Variants in SCAP observed in about 807,000 individuals in gnomAD.
SCAP encodes sterol regulatory element-binding protein cleavage-activating protein.
A neutral mutation model predicts 123.6 loss-of-function variants in SCAP; 65 were observed. That is an observed-to-expected ratio of 0.53 (90% CI 0.43 to 0.65). The LOEUF is 0.65. Among genes scored for constraint, SCAP ranks in the 30% least tolerant of loss-of-function variants. The probability of loss-of-function intolerance (pLI) is 0.00; values close to 1 mark genes in which losing one functional copy is unlikely to be tolerated. For synonymous variants in SCAP, 740 were observed against 726.3 expected (o/e 1.02, Z -0.30); for missense variants, 1,398 against 1,712.5 (o/e 0.82, Z 3.24).
In SCAP at chr3:47,414,174, C is replaced by T. The variant is rs772461126; in HGVS notation, c.3594+6G>A. 1.9e-6 allele frequency: 3 copies of T among 1,613,606 alleles called. No homozygotes were observed. Among genetic ancestry groups the T allele is most frequent in the Admixed American group, 3.3e-5 (2 of 60,008 alleles). ...CCAAGAATCCTATGATCCCCATCCC[C>T]TCTACCTGCTGAATGGAGTAGAACT... On this transcript the variant is annotated splice_donor_region_variant and intron_variant, in intron 22 of 22. Coordinates refer to ENST00000265565, the MANE Select transcript of SCAP (RefSeq NM_012235.4).
At position 47,419,328 on chromosome 3, in the gene SCAP, C is replaced by T; in HGVS notation, c.1940G>A (p.Arg647Lys). ...FSYYNITLAK[R>K]YISLLPVIPV... ...TGGCACCTGGCACGGCCCAGCTCAC[C>T]TCTTGGCCAGTGTGATGTTGTAATA... The change falls in exon 13 of 23, where the codon AGG becomes AAG. Residue 647 changes from arginine (R) to lysine (K), a missense_variant and splice_region_variant. By Grantham distance (26) the Arg-to-Lys change is conservative. Transcript: ENST00000265565. This position sits in a 1 kb window ranked among gnomAD's most constrained non-coding sequence, Gnocchi z 5.0. 1 of 1,607,716 alleles carries T rather than the reference C, an allele frequency of 6.2e-7. No homozygotes were observed. Among genetic ancestry groups the T allele is most frequent in the Non-Finnish European group, 8.5e-7 (1 of 1,176,376 alleles).
chr3:47,416,600 G>A lies in SCAP; in HGVS notation c.3056+522C>T, dbSNP rs545843185. ...ATGTGCCATGCCCTATTCCAAGCACGTCACACCCCTAACGCTTTTTTTTTT... is the reference window on the plus strand; with the variant it reads ...ATGTGCCATGCCCTATTCCAAGCACATCACACCCCTAACGCTTTTTTTTTT... On this transcript the variant is annotated intron_variant, in intron 18 of 22. Coordinates refer to ENST00000265565, the MANE Select transcript of SCAP (RefSeq NM_012235.4). 8.4e-5 allele frequency among the ~76,000 whole-genome samples: 12 copies of A among 143,500 alleles called. No homozygotes were observed. In the South Asian group the frequency reaches 8.9e-4, roughly 11 times the overall value. 94.1% of individuals were successfully genotyped at this position (143,500 alleles called of 152,430 possible).
intron 1 of SCAP, among the ~76,000 whole-genome samples, chr3:47,469,213 T>A (rs1707946284): frequency 6.6e-6 from 1 of 152,108 alleles, no homozygotes; most frequent in South Asian, 2.1e-4. Context: ...CCGGGTGTGG[T>A]GGCACATGCC....
Position 47,413,737 on chromosome 3 carries a change from A to AT in SCAP, c.*116dup. On this transcript the variant is annotated 3_prime_UTR_variant, in exon 23 of 23. Transcript: ENST00000265565. Reference sequence around the variant, plus strand: ...TGGTTTTTTAAAAAAGTTTAATATTATTACAGTCAGGAGGCAGCGGCTGGA... The same window carrying AT: ...TGGTTTTTTAAAAAAGTTTAATATTATTTACAGTCAGGAGGCAGCGGCTGGA... 4 of 1,357,972 alleles carry AT rather than the reference A, an allele frequency of 2.9e-6. No homozygotes were observed. The highest frequency in any genetic ancestry group is 4.0e-6 in the Non-Finnish European group (4 of 996,440). 84.1% of individuals were successfully genotyped at this position (1,357,972 alleles called of 1,614,324 possible).
chr3:47,416,793 A>ATTTTTTTTTTTTTTTTTT (rs566619829), intron 18 of SCAP, among the ~76,000 whole-genome samples: 1 of 149,758 alleles, frequency 6.7e-6, no homozygotes, highest in African/African-American at 2.5e-5. Context: ...CGCCCGGCTA[A>ATTTTTTTTTTTTTTTTTT]TTTTTTGTAT....
chr3:47,457,466 G>GAGCACCC (rs1412959893), intron 1 of SCAP, among the ~76,000 whole-genome samples: 1 of 152,088 alleles, frequency 6.6e-6, no homozygotes, highest in Non-Finnish European at 1.5e-5. Context: ...GTGTTCCCTA[G>GAGCACCC]AGCACCCAGC....
chr3:47,456,541 G>A (rs1165928813), intron 1 of SCAP, among the ~76,000 whole-genome samples: 2 of 152,128 alleles, frequency 1.3e-5, no homozygotes, highest in Admixed American at 6.6e-5. Flanking sequence ...CGAGACAGGT[G>A]GATCACCTGA....
chr3:47,418,799 T>A lies in SCAP; in HGVS notation c.1985A>T (p.Asn662Ile), dbSNP rs758283498. The A allele has an allele frequency of 1.3e-6, 2 of 1,552,958 alleles. No individual in the cohort carries two copies. Among genetic ancestry groups the A allele is most frequent in the South Asian group, 2.4e-5 (2 of 81,856 alleles). ...CCGGCCCTCCAGAGCCTCCCTCGGG[T>A]TCAGGCGGAGCGTGACTGGGATGAC... ...LPVIPVTLRL[N>I]PREALEGRHP... Residue 662 changes from asparagine to isoleucine, a missense_variant, in exon 14 of 23, where the codon AAC becomes ATC. Coordinates refer to ENST00000265565, the MANE Select transcript of SCAP (RefSeq NM_012235.4).
intron 1 of SCAP, among the ~76,000 whole-genome samples, chr3:47,472,460 AAATAAT>A (rs34363569): frequency 1.4e-3 from 198 of 145,706 alleles, no homozygotes; most frequent in Middle Eastern, 0.011. Flanking sequence ...AAATAAAATA[AAATAAT>A]AATAATAATA....
intron 1 of SCAP, among the ~76,000 whole-genome samples, chr3:47,473,244 A>AG (rs1708138617): frequency 2.0e-5 from 3 of 152,016 alleles, no homozygotes; most frequent in Admixed American, 6.6e-5. Context: ...CTCTCCGTAA[A>AG]GGGGGTGATA....
intron 18 of SCAP, 142 bp from the exon 19 acceptor site, chr3:47,415,322 A>G: frequency 1.5e-6 from 1 of 673,776 alleles, no homozygotes; most frequent in Non-Finnish European, 2.4e-6. Flanking sequence ...GTGCCAGAAC[A>G]GATGCTGGAG....
chr3:47,459,760 G>A (rs565510070), intron 1 of SCAP, among the ~76,000 whole-genome samples: 2 of 152,290 alleles, frequency 1.3e-5, no homozygotes, highest in East Asian at 1.9e-4. Flanking sequence ...AGCTGTGCAC[G>A]TATTGTCTTG....
At chr3:47,449,932 C>T (rs1385704829) in intron 1 of SCAP, among the ~76,000 whole-genome samples, 1 of 125,144 alleles carries the variant, frequency 8.0e-6, no homozygotes, top group African/African-American at 2.7e-5. Context: ...TTTATCACAT[C>T]AGAACTCTTA....
chr3:47,413,707 T>G lies in SCAP; in HGVS notation c.*147A>C. ...AGCTCCCAAAGTGCCTGACAGATGA[T>G]GATATGGTTTTTTAAAAAAGTTTAA... is the stretch of plus-strand genomic sequence containing the variant. On this transcript the variant is annotated 3_prime_UTR_variant, in exon 23 of 23. Transcript: ENST00000265565. 4.6e-6 allele frequency: 5 copies of G among 1,090,088 alleles called. No homozygotes were observed. Among genetic ancestry groups the G allele is most frequent in the Non-Finnish European group, 6.6e-6 (5 of 760,288 alleles). The allele number at this position is 1,090,088 out of a possible 1,614,324, so 67.5% of individuals were successfully genotyped here.
Position 47,418,350 on chromosome 3 carries a change from C to A in SCAP, c.2302G>T (p.Val768Leu). ...AGGTGGCCGCGCAGCACAAGCGGCA[C>A]GATCTCCGTCTCGGGTGGCGCATAG... is the stretch of plus-strand genomic sequence containing the variant. ...YGYAPPETEI[V>L]PLVLRGHLMD... is the part of the protein sequence containing the mutation. Residue 768 changes from valine (V) to leucine (L), a missense_variant, in exon 15 of 23, where the codon GTG becomes TTG. Physicochemically the swap from Val to Leu is conservative, Grantham distance 32 (BLOSUM62 1). Coordinates refer to ENST00000265565, the MANE Select transcript of SCAP (RefSeq NM_012235.4). 6.4e-7 allele frequency: 1 copy of A among 1,569,814 alleles called. No individual in the cohort carries two copies. Among genetic ancestry groups the A allele is most frequent in the Non-Finnish European group, 8.6e-7 (1 of 1,159,030 alleles).
At chr3:47,472,331 G>A (rs1288452081) in intron 1 of SCAP, among the ~76,000 whole-genome samples, 1 of 150,976 alleles carries the variant, frequency 6.6e-6, no homozygotes, top group East Asian at 1.9e-4. Flanking sequence ...CTACTCGGGA[G>A]GCTGAGGCAG....
intron 1 of SCAP, among the ~76,000 whole-genome samples, chr3:47,455,466 G>A (rs1000220495): frequency 2.0e-5 from 3 of 151,504 alleles, no homozygotes; most frequent in African/African-American, 2.4e-5. Context: ...ATTGTGGCAC[G>A]TTCCTGTAAT....
intron 1 of SCAP, among the ~76,000 whole-genome samples, chr3:47,474,882 T>G (rs567219264): frequency 2.6e-4 from 40 of 152,310 alleles, no homozygotes; most frequent in African/African-American, 6.0e-4. Flanking sequence ...CCCTCGACCC[T>G]GACTCCCTAA....
At position 47,413,714 on chromosome 3, in the gene SCAP, G is replaced by GT; in HGVS notation, c.*139dup. On this transcript the variant is annotated 3_prime_UTR_variant, in exon 23 of 23. Transcript: ENST00000265565. ...AAAGTGCCTGACAGATGATGATATG[G>GT]TTTTTTAAAAAAGTTTAATATTATT... The GT allele has an allele frequency of 3.3e-6, 4 of 1,211,140 alleles. No homozygotes were observed. The highest frequency in any genetic ancestry group is 4.6e-6 in the Non-Finnish European group (4 of 868,916). 75.0% of individuals were successfully genotyped at this position (1,211,140 alleles called of 1,614,324 possible).
Sources: allele counts gnomAD v4.1 joint callset (sites outside exome capture counted in the v4.1 genomes callset), GRCh38; gene constraint gnomAD v4.1.1; non-coding constraint Gnocchi (gnomAD v3.1); transcripts MANE v1.5; gene names NCBI Gene and HGNC (gene_info 2026-07-23, HGNC 2026-07-21).